The following TMEM171 variants were observed in gnomAD, a reference collection of about 807,000 sequenced individuals.
The protein encoded by TMEM171 is transmembrane protein 171, also known as proline-rich protein PRP2.
A neutral mutation model predicts 19.1 loss-of-function variants in TMEM171; 16 were observed. That is an observed-to-expected ratio of 0.84 (90% CI 0.57 to 1.27). The LOEUF is 1.27. TMEM171 is among the 50% of genes most tolerant of loss of function. TMEM171 has a pLI of 0.00. For synonymous variants in TMEM171, 153 were observed against 163.4 expected (o/e 0.94, Z 0.48); for missense variants, 429 against 412.7 (o/e 1.04, Z -0.34).
intron 1 of TMEM171, among the ~76,000 whole-genome samples, chr5:73,123,105 G>A (rs1185431337): frequency 1.3e-5 from 2 of 152,152 alleles, no homozygotes; most frequent in Non-Finnish European, 2.9e-5. Flanking sequence ...TGAATATCTT[G>A]TAAAATTACA....
chr5:73,127,384 A>AAAAAAAATATATATATATATAT, intron 2 of TMEM171, among the ~76,000 whole-genome samples: 44 of 81,666 alleles, frequency 5.4e-4, no homozygotes, highest in African/African-American at 2.6e-3. Context: ...AAAAAAAAAA[A>AAAAAAAATATATATATATATAT]ATATATATAT....
Position 73,131,520 on chromosome 5 carries a change from C to A in TMEM171, c.783-18C>A, listed in dbSNP as rs1744355690. On this transcript the variant is annotated intron_variant, in intron 3 of 3. Transcript: ENST00000454765. ...GTTTTCATCCCCTCCCCTTCATGTT[C>A]TCTCTCCTTCTCTTTAGCAGGACCC... 6.4e-7 allele frequency: 1 copy of A among 1,562,902 alleles called. No homozygotes were observed. Among genetic ancestry groups the A allele is most frequent in the Non-Finnish European group, 8.6e-7 (1 of 1,157,112 alleles).
At chr5:73,128,982 A>G (rs1744262021) in intron 3 of TMEM171, among the ~76,000 whole-genome samples, 1 of 152,122 alleles carries the variant, frequency 6.6e-6, no homozygotes, top group South Asian at 2.1e-4. Context: ...AATCCTAGCT[A>G]CTCGGGAGGC....
At chr5:73,122,432 G>A (rs775236091) in intron 1 of TMEM171, among the ~76,000 whole-genome samples, 7 of 152,188 alleles carry the variant, frequency 4.6e-5, no homozygotes, top group African/African-American at 9.7e-5. Context: ...TTTTGGCAGG[G>A]TCTCACTCTG....
At chr5:73,121,029 A>C (rs1203550645) in intron 1 of TMEM171, among the ~76,000 whole-genome samples, 2 of 152,124 alleles carry the variant, frequency 1.3e-5, no homozygotes, top group East Asian at 1.9e-4. Flanking sequence ...GTTTAAGTGT[A>C]GGGTGGTGTT....
intron 1 of TMEM171, among the ~76,000 whole-genome samples, chr5:73,122,997 G>T (rs1744045353): frequency 6.6e-6 from 1 of 152,188 alleles, no homozygotes; most frequent in Admixed American, 6.5e-5. Context: ...AAATGAGTTT[G>T]TAAGACTCAG....
chr5:73,121,513 A>G (rs1744007452), intron 1 of TMEM171, among the ~76,000 whole-genome samples: 1 of 152,232 alleles, frequency 6.6e-6, no homozygotes, highest in African/African-American at 2.4e-5. Context: ...TGTATACTCA[A>G]TATGAAATTC....
At chr5:73,124,349 C>T (rs1744106765) in intron 2 of TMEM171, among the ~76,000 whole-genome samples, 1 of 152,202 alleles carries the variant, frequency 6.6e-6, no homozygotes, top group South Asian at 2.1e-4. Context: ...CCTTCTGCCA[C>T]CTTAGGGACT....
At chr5:73,120,718 G>T (rs1743982944) in intron 1 of TMEM171, 22 bp downstream of exon 1, 2 of 983,502 alleles carry the variant, frequency 2.0e-6, no homozygotes, top group Non-Finnish European at 2.4e-6. Context: ...CGGCCCGCGC[G>T]CCTGCGCCGG....
Position 73,128,049 on chromosome 5 carries a change from C to T in TMEM171, c.641-341C>T, listed in dbSNP as rs185907612. Among the ~76,000 whole-genome samples, 204 of 152,208 alleles carry T rather than the reference C, an allele frequency of 1.3e-3. 1 individual carries two copies. In the South Asian group the frequency reaches 0.026, roughly 19 times the overall value. On this transcript the variant is annotated intron_variant, in intron 2 of 3. Coordinates refer to ENST00000454765, the MANE Select transcript of TMEM171 (RefSeq NM_173490.8). The stretch of plus-strand genomic sequence containing the variant: ...TGTGAGCCACTGCACCCAGCCAAAC[C>T]GTTTTTAAATGGTTTAGTGGCATTG...
At chr5:73,125,015 GT>G (rs765340708) in intron 2 of TMEM171, among the ~76,000 whole-genome samples, 5 of 152,150 alleles carry the variant, frequency 3.3e-5, no homozygotes, top group Admixed American at 6.5e-5. Flanking sequence ...TGCATCTCCT[GT>G]TTGGGGCTGT....
rs1472540628 is a variant in TMEM171 at position 73,120,629 on chromosome 5, G to A, written c.-136G>A. On this transcript the variant is annotated 5_prime_UTR_variant, in exon 1 of 4. Coordinates refer to ENST00000454765, the MANE Select transcript of TMEM171 (RefSeq NM_173490.8). ...GCCGGCGCAGCCGAGGCCGCGTGCG[G>A]AGGCGGACGCCGCGCCCAGCCAGTG... The A allele has an allele frequency of 8.1e-6, 8 of 984,726 alleles. No homozygotes were observed. Among genetic ancestry groups the A allele is most frequent in the East Asian group, 2.3e-4 (2 of 8,800 alleles). The allele number at this position is 984,726 out of a possible 1,614,324, so 61.0% of individuals were successfully genotyped here. A position where few individuals can be genotyped will look rare whatever the true frequency, so the allele number is the denominator to read the frequency against.
At position 73,123,918 on chromosome 5, in the gene TMEM171, A is replaced by G. The variant is rs1185552269; in HGVS notation, c.545A>G (p.His182Arg). ...LVGLCFFVVAHVKKRNTLNAG... is the reference protein window; with the variant it reads ...LVGLCFFVVARVKKRNTLNAG... ...GGATTGTGTTTCTTCGTGGTTGCCC[A>G]TGTTAAGAAGAGAAACACGCTGAAT... The change falls in exon 2 of 4, where the codon CAT becomes CGT. Residue 182 changes from histidine to arginine, a missense_variant. By Grantham distance (29) the His-to-Arg change is conservative. Coordinates refer to ENST00000454765, the MANE Select transcript of TMEM171 (RefSeq NM_173490.8). The G allele has an allele frequency of 6.2e-7, 1 of 1,613,914 alleles. No homozygotes were observed. The highest frequency in any genetic ancestry group is 1.7e-5 in the Admixed American group (1 of 59,966).
At chr5:73,126,163 T>C (rs932959933) in intron 2 of TMEM171, among the ~76,000 whole-genome samples, 2 of 152,172 alleles carry the variant, frequency 1.3e-5, no homozygotes, top group East Asian at 3.9e-4. Flanking sequence ...TACTGGAGCA[T>C]ATCCTTGTGT....
intron 2 of TMEM171, among the ~76,000 whole-genome samples, chr5:73,124,520 G>T (rs1717483898): frequency 6.6e-6 from 1 of 152,164 alleles, no homozygotes; most frequent in Non-Finnish European, 1.5e-5. Flanking sequence ...AATGAGCAGT[G>T]CCTCTCTAAG....
At chr5:73,127,618 T>C (rs10452487) in intron 2 of TMEM171, among the ~76,000 whole-genome samples, 13,745 of 151,348 alleles carry the variant, frequency 0.091, 678 homozygotes, top group Middle Eastern at 0.14. Context: ...TTTTTCTTTG[T>C]ATTTTTAGTA....
intron 3 of TMEM171, among the ~76,000 whole-genome samples, chr5:73,128,814 C>G (rs182847410): frequency 1.3e-5 from 2 of 152,108 alleles, no homozygotes; most frequent in African/African-American, 4.8e-5. Context: ...CAACCCTTGC[C>G]GGGTGCTGTG....
intron 1 of TMEM171, among the ~76,000 whole-genome samples, chr5:73,120,952 G>A (rs111666271): frequency 1.3e-5 from 2 of 152,218 alleles, no homozygotes; most frequent in Admixed American, 6.5e-5. Flanking sequence ...GAGAGGTGCT[G>A]TGAATTTTGG....
intron 1 of TMEM171, 125 bp downstream of exon 1, chr5:73,120,821 T>C: frequency 1.2e-6 from 1 of 863,932 alleles, no homozygotes; most frequent in Non-Finnish European, 1.4e-6. Flanking sequence ...CCAACCTGCG[T>C]CCCTGCGAGC....
Sources: allele counts gnomAD v4.1 joint callset (sites outside exome capture counted in the v4.1 genomes callset), GRCh38; gene constraint gnomAD v4.1.1; transcripts MANE v1.5; gene names NCBI Gene and HGNC (gene_info 2026-07-23, HGNC 2026-07-21).